Variants in PACRGL observed in about 807,000 individuals in gnomAD.
PACRGL encodes the protein parkin coregulated like.
Under a neutral mutation model 34.5 loss-of-function variants are expected in PACRGL, and 38 were observed. That is an observed-to-expected ratio of 1.10 (90% CI 0.85 to 1.44). PACRGL has a LOEUF of 1.44. Ranked by LOEUF, PACRGL falls within the 40% of genes most tolerant of loss-of-function variation. PACRGL has a pLI of 0.00. For missense variants in PACRGL, 305 were observed against 281.4 expected (o/e 1.08, Z -0.60); for synonymous variants, 128 against 100.1 (o/e 1.28, Z -1.66).
At chr4:20,721,891 G>A (rs1743428200) in intron 7 of PACRGL, among the ~76,000 whole-genome samples, 1 of 152,216 alleles carries the variant, frequency 6.6e-6, no homozygotes, top group Admixed American at 6.5e-5. Context: ...GGTTTCTGCT[G>A]CCTTTTGTTT....
the PACRGL span, chr4:20,767,212 G>A: frequency 6.6e-6 from 1 of 152,122 alleles, no homozygotes; most frequent in African/African-American, 2.4e-5. Flanking sequence ...ATCAGCTTAT[G>A]AAGTATATAT....
chr4:20,738,726 T>C (rs1392230747), intron 8 of PACRGL, among the ~76,000 whole-genome samples: 1 of 152,158 alleles, frequency 6.6e-6, no homozygotes, highest in Admixed American at 6.5e-5. Flanking sequence ...ACCAGGTTCA[T>C]CTAAACTGGG....
rs371298912 is a variant in PACRGL at position 20,713,415 on chromosome 4, A to G, written c.502-17A>G. The G allele has an allele frequency of 1.2e-5, 19 of 1,605,146 alleles. No individual in the cohort carries two copies. Among genetic ancestry groups the G allele is most frequent in the Admixed American group, 6.7e-5 (4 of 59,808 alleles). Reference sequence around the variant, plus strand: ...TTCCCTGATGTCCATACATCCCCCAACTAACCAACCTTACAGGTCCATTCG... The same window carrying G: ...TTCCCTGATGTCCATACATCCCCCAGCTAACCAACCTTACAGGTCCATTCG... On this transcript the variant is annotated splice_polypyrimidine_tract_variant and intron_variant, in intron 6 of 8. Transcript: ENST00000503585.
intron 8 of PACRGL, among the ~76,000 whole-genome samples, chr4:20,752,403 G>A (rs928580464): frequency 6.6e-6 from 1 of 152,116 alleles, no homozygotes; most frequent in Non-Finnish European, 1.5e-5. Flanking sequence ...TATTTGCAAA[G>A]TGTTTAGAAA....
intron 7 of PACRGL, chr4:20,716,374 G>A (rs976214336): frequency 8.6e-6 from 5 of 579,076 alleles, no homozygotes; most frequent in African/African-American, 5.7e-5. Context: ...TATACTTTAA[G>A]TTCTAGGGTA....
intron 4 of PACRGL, among the ~76,000 whole-genome samples, chr4:20,708,983 T>G (rs896908957): frequency 8.1e-6 from 1 of 123,638 alleles, no homozygotes; most frequent in Non-Finnish European, 1.7e-5. Flanking sequence ...AAAAAAAAAA[T>G]ACAAAATTAG....
chr4:20,707,799 T>A lies in PACRGL; in HGVS notation c.208-4T>A. ...GATAGTAATATTTTCATTTTTTATT[T>A]TAGTTTGGTGAACAGTCACGAGTGC... On this transcript the variant is annotated splice_region_variant and splice_polypyrimidine_tract_variant and intron_variant, in intron 3 of 8. Transcript: ENST00000503585. 6.2e-7 allele frequency: 1 copy of A among 1,612,608 alleles called. No individual in the cohort carries two copies. Among genetic ancestry groups the A allele is most frequent in the South Asian group, 1.1e-5 (1 of 91,008 alleles).
intron 1 of PACRGL, among the ~76,000 whole-genome samples, chr4:20,703,477 A>AGTGTGT (rs34932810): frequency 0.022 from 3,084 of 141,498 alleles, 37 homozygotes; most frequent in African/African-American, 0.043. Context: ...TGGGTATATG[A>AGTGTGT]GTGTGTGTGT....
rs1421704779 is a variant in PACRGL at position 20,704,811 on chromosome 4, T to G, written c.204T>G (p.Asn68Lys). The change falls in exon 3 of 9, where the codon AAT becomes AAG. Residue 68 changes from asparagine to lysine, a missense_variant. Coordinates refer to ENST00000503585, the MANE Select transcript of PACRGL (RefSeq NM_001258345.3). ...ATAAACTGAACCCTAAAACAATTAA[T>G]CCGGTAGGTCCAAAACTATTCCTAA... ...PSDKLNPKTI[N>K]PFGEQSRVPS... 9 of 1,613,776 alleles carry G rather than the reference T, an allele frequency of 5.6e-6. No individual in the cohort carries two copies. Among genetic ancestry groups the G allele is most frequent in the Non-Finnish European group, 7.6e-6 (9 of 1,179,836 alleles).
Position 20,712,899 on chromosome 4 carries a change from A to C in PACRGL, c.478A>C (p.Ile160Leu), listed in dbSNP as rs76245024. ...EKAIPLLPRL[I>L]PVLKAALVHS... Reference sequence around the variant, plus strand: ...AGCTATTCCTTTGCTACCTAGACTGATTCCTGTGCTAAAGGCAGCTCTGGT... The same window carrying C: ...AGCTATTCCTTTGCTACCTAGACTGCTTCCTGTGCTAAAGGCAGCTCTGGT... Residue 160 changes from isoleucine to leucine, a missense_variant, in exon 6 of 9, where the codon ATT (isoleucine) becomes CTT (leucine). By Grantham distance (5) the Ile-to-Leu change is conservative (BLOSUM62 2). Coordinates refer to ENST00000503585, the MANE Select transcript of PACRGL (RefSeq NM_001258345.3). 1.4e-3 allele frequency: 2,231 copies of C among 1,590,376 alleles called. 45 individuals are homozygous for C. The East Asian group carries it at 0.044, about 31-fold the overall frequency.
In PACRGL at chr4:20,704,485, C is replaced by G. The variant is rs1256437038; in HGVS notation, c.4C>G (p.Gln2Glu). 1.2e-6 allele frequency: 2 copies of G among 1,613,470 alleles called. No individual in the cohort carries two copies. The highest frequency in any genetic ancestry group is 1.7e-6 in the Non-Finnish European group (2 of 1,179,900). Residue 2 changes from glutamine to glutamate, a missense_variant, in exon 2 of 9, where the codon CAG becomes GAG. By Grantham distance (29) the Gln-to-Glu change is conservative (BLOSUM62 2). Transcript: ENST00000503585. M[Q>E]KSEGSGGTQL... is the part of the protein sequence containing the mutation. ...CTGCAGGAGTGAAAGGGAAGCAATG[C>G]AGAAATCAGAGGGCTCTGGAGGTAC...
At chr4:20,735,520 T>G (rs1578429695), downstream of PACRGL, among the ~76,000 whole-genome samples, 3 of 89,290 alleles carry the variant, frequency 3.4e-5, no homozygotes, top group Admixed American at 4.4e-4. Context: ...CATTTAGTGT[T>G]TTTTTTTTTG....
At chr4:20,763,897 AAATT>A in the PACRGL span, among the ~76,000 whole-genome samples, 4 of 152,158 alleles carry the variant, frequency 2.6e-5, no homozygotes, top group Admixed American at 6.5e-5. Context: ...TTAGCAGTAT[AAATT>A]GTCTCCATTT....
chr4:20,748,582 A>G (rs1200565906), intron 8 of PACRGL, among the ~76,000 whole-genome samples: 2 of 94,114 alleles, frequency 2.1e-5, no homozygotes, highest in Non-Finnish European at 5.1e-5. Flanking sequence ...ATATATATAT[A>G]TATATATATA....
chr4:20,710,599 T>C (rs1374534177), intron 5 of PACRGL, among the ~76,000 whole-genome samples: 1 of 152,184 alleles, frequency 6.6e-6, no homozygotes, highest in East Asian at 1.9e-4. Context: ...TCTATAAACA[T>C]GGCAGTGCCT....
intron 7 of PACRGL, chr4:20,716,164 A>G: frequency 7.5e-7 from 1 of 1,341,888 alleles, no homozygotes; most frequent in Non-Finnish European, 1.0e-6. Flanking sequence ...GATTTGCCAG[A>G]AGGATCCATG....
Position 20,704,677 on chromosome 4 carries a change from A to C in PACRGL, c.70A>C (p.Thr24Pro). The change falls in exon 3 of 9, where the codon ACA becomes CCA. Residue 24 changes from threonine to proline, a missense_variant. Physicochemically the swap from Thr to Pro is conservative, Grantham distance 38. Transcript: ENST00000503585. ...NRATGNYDQR[T>P]SSSTQLKHRN... ...TTTTCCAGGTAACTATGATCAAAGG[A>C]CATCATCAAGCACACAGTTAAAACA... 2 of 1,614,112 alleles carry C rather than the reference A, an allele frequency of 1.2e-6. No homozygotes were observed. Among genetic ancestry groups the C allele is most frequent in the South Asian group, 2.2e-5 (2 of 91,084 alleles).
chr4:20,704,298 C>T (rs767019344), intron 1 of PACRGL, among the ~76,000 whole-genome samples, 168 bp from the exon 2 acceptor site: 37 of 152,130 alleles, frequency 2.4e-4, no homozygotes, highest in Non-Finnish European at 4.7e-4. Flanking sequence ...TTGAAGTTGA[C>T]ATAATTTCAT....
chr4:20,749,431 A>T (rs1753159625), intron 8 of PACRGL, among the ~76,000 whole-genome samples: 1 of 152,176 alleles, frequency 6.6e-6, no homozygotes, highest in Non-Finnish European at 1.5e-5. Flanking sequence ...GTAATTGAAG[A>T]AGTGGACTCT....
Sources: allele counts gnomAD v4.1 joint callset (sites outside exome capture counted in the v4.1 genomes callset), GRCh38; gene constraint gnomAD v4.1.1; transcripts MANE v1.5; gene names NCBI Gene and HGNC (gene_info 2026-07-23, HGNC 2026-07-21).